Variants in PIP4K2C observed in about 807,000 individuals in gnomAD.
PIP4K2C encodes the protein phosphatidylinositol-5-phosphate 4-kinase type 2 gamma, also known as phosphatidylinositol 5-phosphate 4-kinase type-2 gamma.
A neutral mutation model predicts 45.0 loss-of-function variants in PIP4K2C; 21 were observed. That is an observed-to-expected ratio of 0.47 (90% CI 0.33 to 0.67). PIP4K2C has a LOEUF of 0.67. Among genes scored for constraint, PIP4K2C ranks in the 30% least tolerant of loss-of-function variants. The pLI is 0.02. For synonymous variants in PIP4K2C, 201 were observed against 204.8 expected (o/e 0.98, Z 0.16); for missense variants, 456 against 542.8 (o/e 0.84, Z 1.59).
At chr12:57,599,890 A>G (rs1883352011) in intron 6 of PIP4K2C, among the ~76,000 whole-genome samples, 1 of 152,170 alleles carries the variant, frequency 6.6e-6, no homozygotes, top group African/African-American at 2.4e-5. Context: ...CCAAAAACAC[A>G]AAAATTAGCC....
At chr12:57,598,565 G>A (rs2045885420) in intron 4 of PIP4K2C, among the ~76,000 whole-genome samples, 1 of 69,058 alleles carries the variant, frequency 1.4e-5, no homozygotes, top group Non-Finnish European at 3.1e-5. Context: ...AGGCCATCAT[G>A]CAGACTTTTT....
intron 1 of PIP4K2C, among the ~76,000 whole-genome samples, chr12:57,593,815 G>A (rs895609204): frequency 2.0e-5 from 3 of 151,348 alleles, no homozygotes; most frequent in Non-Finnish European, 4.4e-5. Flanking sequence ...GCGTGTTGGG[G>A]GCTGTGTGTG....
chr12:57,597,747 T>G (rs1023532914), intron 4 of PIP4K2C, among the ~76,000 whole-genome samples: 3 of 152,112 alleles, frequency 2.0e-5, no homozygotes, highest in Non-Finnish European at 4.4e-5. Context: ...CATGCTACAT[T>G]CCATACGGGA....
chr12:57,593,675 G>GTTTTTTTTTTTTTTTTTTTTTTT (rs56900742), intron 1 of PIP4K2C, among the ~76,000 whole-genome samples: 1 of 64,042 alleles, frequency 1.6e-5, no homozygotes, highest in African/African-American at 7.3e-5. Flanking sequence ...AGCTTGCAGA[G>GTTTTTTTTTTTTTTTTTTTTTTT]TTTTTTTTTT....
intron 7 of PIP4K2C, 65 bp from the exon 8 acceptor site, chr12:57,600,746 G>C (rs916762011): frequency 6.3e-7 from 1 of 1,592,944 alleles, no homozygotes; most frequent in African/African-American, 1.3e-5. Flanking sequence ...AAAGGTACAG[G>C]TACAGGGGTG....
At chr12:57,596,966 C>T (rs1332065619) in intron 4 of PIP4K2C, among the ~76,000 whole-genome samples, 1 of 152,136 alleles carries the variant, frequency 6.6e-6, no homozygotes, top group Non-Finnish European at 1.5e-5. Context: ...GAAGAGCATT[C>T]TAGGCAAAGG....
intron 4 of PIP4K2C, among the ~76,000 whole-genome samples, chr12:57,597,807 A>G (rs533507718): frequency 1.1e-4 from 17 of 152,330 alleles, no homozygotes; most frequent in African/African-American, 1.7e-4. Context: ...ATAAGAGCTG[A>G]GGATGAGGAG....
chr12:57,599,974 G>A (rs181015812), intron 6 of PIP4K2C, among the ~76,000 whole-genome samples: 1 of 151,780 alleles, frequency 6.6e-6, no homozygotes, highest in Non-Finnish European at 1.5e-5. Flanking sequence ...AGTCCAGGAG[G>A]TCGCGGCTAC....
Position 57,600,944 on chromosome 12 carries a change from C to T in PIP4K2C, c.947C>T (p.Thr316Ile), listed in dbSNP as rs773934289. 1.2e-6 allele frequency: 2 copies of T among 1,614,210 alleles called. No homozygotes were observed. Among genetic ancestry groups the T allele is most frequent in the South Asian group, 1.1e-5 (1 of 91,082 alleles). The change falls in exon 8 of 10, where the codon ACT becomes ATT. Residue 316 changes from threonine (T) to isoleucine (I), a missense_variant. Thr to Ile is a moderately conservative substitution (Grantham distance 89). Around this residue, in one of 2 missense-constraint regions of PIP4K2C, gnomAD observed 421 missense variants for 473.1 expected, o/e 0.89. Coordinates refer to ENST00000354947, the MANE Select transcript of PIP4K2C (RefSeq NM_024779.5). ...GAGGTGGATGGGGACTGCAGCCTGA[C>T]TGGACCTCCTGCTCTGGTGGGCTCC... Reference protein sequence around the residue: ...ESEVDGDCSLTGPPALVGSYG... With the variant: ...ESEVDGDCSLIGPPALVGSYG...
chr12:57,601,158 G>T (rs1243063938), intron 8 of PIP4K2C, 80 bp downstream of exon 8: 5 of 1,593,250 alleles, frequency 3.1e-6, no homozygotes, highest in Non-Finnish European at 4.3e-6. Context: ...GGGAGAGCCT[G>T]ATTAGCTTTT....
At position 57,601,817 on chromosome 12, in the gene PIP4K2C, CCT is replaced by C; in HGVS notation, c.*216_*217del. 1.7e-6 allele frequency: 1 copy of C among 578,634 alleles called. No individual in the cohort carries two copies. Among genetic ancestry groups the C allele is most frequent in the Non-Finnish European group, 3.1e-6 (1 of 323,756 alleles). 35.8% of individuals were successfully genotyped at this position (578,634 alleles called of 1,614,324 possible). A position where few individuals can be genotyped will look rare whatever the true frequency, so the allele number is the denominator to read the frequency against. On this transcript the variant is annotated 3_prime_UTR_variant, in exon 10 of 10. Coordinates refer to ENST00000354947, the MANE Select transcript of PIP4K2C (RefSeq NM_024779.5). ...TTTTCCTCTTTGCCCATTTTTCTTC[CCT>C]CTCTTCCTCCCCATGAGAAGTCTGC...
chr12:57,594,114 T>G lies in PIP4K2C; in HGVS notation c.264T>G (p.Leu88=). 1 of 1,612,866 alleles carries G rather than the reference T, an allele frequency of 6.2e-7. No homozygotes were observed. The highest frequency in any genetic ancestry group is 1.7e-5 in the Admixed American group (1 of 59,930). The change falls in exon 2 of 10, where the codon CTT becomes CTG. Residue 88 remains leucine (L), a synonymous_variant. Coordinates refer to ENST00000354947, the MANE Select transcript of PIP4K2C (RefSeq NM_024779.5). ...ASSKIKVNNH[L]FHRENLPSHF... ...CCAAGATCAAGGTCAACAATCACCTTTTCCACAGGTAAGTGATGATCCTTG... is the reference window on the plus strand; with the variant it reads ...CCAAGATCAAGGTCAACAATCACCTGTTCCACAGGTAAGTGATGATCCTTG...
chr12:57,600,221 G>C, intron 6 of PIP4K2C, 103 bp from the exon 7 acceptor site: 1 of 656,938 alleles, frequency 1.5e-6, no homozygotes, highest in East Asian at 2.8e-5. Flanking sequence ...TGTGGAGTTA[G>C]ATGAGATCTA....
At position 57,595,995 on chromosome 12, in the gene PIP4K2C, T is replaced by C. The variant is rs1883177742; in HGVS notation, c.477T>C (p.Ile159=). 1.9e-6 allele frequency: 3 copies of C among 1,613,970 alleles called. No homozygotes were observed. Among genetic ancestry groups the C allele is most frequent in the Non-Finnish European group, 2.5e-6 (3 of 1,179,870 alleles). ...LVIKEVSSED[I]ADMHSNLSNY... is the part of the protein sequence containing the mutation. ...TCAAAGAAGTATCCAGTGAGGACATTGCTGACATGCATAGCAACCTCTCCA... is the reference window on the plus strand; with the variant it reads ...TCAAAGAAGTATCCAGTGAGGACATCGCTGACATGCATAGCAACCTCTCCA... Residue 159 remains isoleucine, a synonymous_variant, in exon 4 of 10, where the codon ATT becomes ATC. Coordinates refer to ENST00000354947, the MANE Select transcript of PIP4K2C (RefSeq NM_024779.5).
chr12:57,591,315 C>G lies in PIP4K2C; in HGVS notation c.26C>G (p.Ala9Gly). 6.2e-7 allele frequency: 1 copy of G among 1,612,864 alleles called. No homozygotes were observed. The highest frequency in any genetic ancestry group is 1.1e-5 in the South Asian group (1 of 90,972). The part of the protein sequence containing the change: MASSSVPP[A>G]TVSAATAGPG... The stretch of plus-strand genomic sequence containing the variant: ...ATGGCGTCCTCCTCGGTCCCACCAG[C>G]CACGGTATCGGCGGCGACAGCAGGC... Residue 9 changes from alanine (A) to glycine (G), a missense_variant, in exon 1 of 10, where the codon GCC becomes GGC. Around this residue, in one of 2 missense-constraint regions of PIP4K2C, gnomAD observed 421 missense variants for 473.1 expected, o/e 0.89. Coordinates refer to ENST00000354947, the MANE Select transcript of PIP4K2C (RefSeq NM_024779.5).
chr12:57,600,048 C>CA (rs56278212), intron 6 of PIP4K2C, among the ~76,000 whole-genome samples: 6,317 of 138,482 alleles, frequency 0.046, 323 homozygotes, highest in African/African-American at 0.13. Flanking sequence ...GATCCTATCT[C>CA]AAAAAAAAAA....
Position 57,595,961 on chromosome 12 carries a change from C to T in PIP4K2C, c.443C>T (p.Thr148Ile). 6.2e-7 allele frequency: 1 copy of T among 1,613,896 alleles called. No homozygotes were observed. The highest frequency in any genetic ancestry group is 1.1e-5 in the South Asian group (1 of 91,078). The change falls in exon 4 of 10, where the codon ACT becomes ATT. Residue 148 changes from threonine to isoleucine, a missense_variant. Coordinates refer to ENST00000354947, the MANE Select transcript of PIP4K2C (RefSeq NM_024779.5). ...DGRFLISYDR[T>I]LVIKEVSSED... ...CGCTTCCTTATCTCCTACGATCGGA[C>T]TCTGGTCATCAAAGAAGTATCCAGT...
At chr12:57,600,736 A>C in intron 7 of PIP4K2C, 75 bp from the exon 8 acceptor site, 2 of 1,564,476 alleles carry the variant, frequency 1.3e-6, no homozygotes, top group South Asian at 1.2e-5. Flanking sequence ...CCAGAAATTC[A>C]AAGGTACAGG....
chr12:57,592,175 T>C (rs988596924), intron 1 of PIP4K2C, among the ~76,000 whole-genome samples: 3 of 152,160 alleles, frequency 2.0e-5, no homozygotes, highest in Non-Finnish European at 4.4e-5. Flanking sequence ...GCTGAGGGGC[T>C]CTGTTCCTGA....
Sources: allele counts gnomAD v4.1 joint callset (sites outside exome capture counted in the v4.1 genomes callset), GRCh38; gene constraint gnomAD v4.1.1; regional missense constraint gnomAD v4.1.1; transcripts MANE v1.5; gene names NCBI Gene and HGNC (gene_info 2026-07-23, HGNC 2026-07-21).